Variants in MBOAT2 observed in about 807,000 individuals in gnomAD.
MBOAT2 encodes the protein membrane bound glycerophospholipid O-acyltransferase 2, also known as membrane-bound glycerophospholipid O-acyltransferase 2.
Under a neutral mutation model 63.4 loss-of-function variants are expected in MBOAT2, and 28 were observed. The observed-to-expected ratio is 0.44, with a 90% CI of 0.33 to 0.61. The LOEUF (loss-of-function observed/expected upper bound fraction) is 0.61, where lower values mean the gene tolerates loss of function less well. Ranked by LOEUF, MBOAT2 falls within the 20% of genes least tolerant of loss-of-function variation. The pLI, the probability that MBOAT2 is intolerant of heterozygous loss-of-function variation, is 0.03. For synonymous variants in MBOAT2, 211 were observed against 215.6 expected, an observed-to-expected ratio of 0.98 and a Z score of 0.19; for missense variants, 470 against 605.8, an observed-to-expected ratio of 0.78 and a Z score of 2.35.
At chr2:8,983,485 T>C (rs1381498088) in intron 1 of MBOAT2, among the ~76,000 whole-genome samples, 1 of 152,190 alleles carries the variant, frequency 6.6e-6, no homozygotes, top group Non-Finnish European at 1.5e-5. Context: ...AAAGAATTAA[T>C]ACCAGTTTTA....
At chr2:8,976,707 C>T (rs183386613) in intron 1 of MBOAT2, among the ~76,000 whole-genome samples, 27 of 152,198 alleles carry the variant, frequency 1.8e-4, no homozygotes, top group Admixed American at 1.1e-3. Flanking sequence ...GTGTGCACAT[C>T]GACACGTTTA....
chr2:8,963,337 CTT>C (rs1362912462), intron 1 of MBOAT2, among the ~76,000 whole-genome samples: 1 of 151,992 alleles, frequency 6.6e-6, no homozygotes, highest in Non-Finnish European at 1.5e-5. Context: ...CAATTTTGCT[CTT>C]GTTGCCCAGG....
intron 1 of MBOAT2, among the ~76,000 whole-genome samples, chr2:8,972,587 C>T (rs1301381466): frequency 6.6e-6 from 1 of 152,188 alleles, no homozygotes; most frequent in Non-Finnish European, 1.5e-5. Flanking sequence ...AGGCAACCTA[C>T]AGGATGGGAG....
At chr2:8,875,824 C>T (rs1320909769) in intron 7 of MBOAT2, among the ~76,000 whole-genome samples, 2 of 152,216 alleles carry the variant, frequency 1.3e-5, no homozygotes, top group East Asian at 3.8e-4. Context: ...TTTGATATGA[C>T]ATTTCTCAAC....
At chr2:8,887,990 C>G in intron 5 of MBOAT2, 28 bp downstream of exon 5, 1 of 1,596,164 alleles carries the variant, frequency 6.3e-7, no homozygotes, top group Non-Finnish European at 8.6e-7. Context: ...ATTTTTTCAG[C>G]AATAAAAATT....
intron 2 of MBOAT2, among the ~76,000 whole-genome samples, chr2:8,953,401 G>C (rs1278000389): frequency 6.6e-6 from 1 of 152,066 alleles, no homozygotes; most frequent in African/African-American, 2.4e-5. Flanking sequence ...TGGACAGTCT[G>C]GTGACTATAT....
intron 9 of MBOAT2, among the ~76,000 whole-genome samples, chr2:8,864,465 C>A (rs1047569041): frequency 6.6e-6 from 1 of 152,138 alleles, no homozygotes; most frequent in Non-Finnish European, 1.5e-5. Flanking sequence ...ACCATTTTCT[C>A]TTGTATGTTA....
intron 3 of MBOAT2, among the ~76,000 whole-genome samples, chr2:8,911,732 C>T (rs1665723389): frequency 6.6e-6 from 1 of 152,158 alleles, no homozygotes; most frequent in Non-Finnish European, 1.5e-5. Flanking sequence ...ACTGGCTCCC[C>T]TTTACCTTCT....
intron 4 of MBOAT2, among the ~76,000 whole-genome samples, chr2:8,896,712 C>A (rs1414266433): frequency 6.6e-6 from 1 of 152,206 alleles, no homozygotes; most frequent in African/African-American, 2.4e-5. Flanking sequence ...TGAGTGCAAA[C>A]AGCTCACACG....
chr2:8,967,909 A>C (rs1189514439), intron 1 of MBOAT2, among the ~76,000 whole-genome samples: 1 of 152,218 alleles, frequency 6.6e-6, no homozygotes, highest in Non-Finnish European at 1.5e-5. Context: ...CAACAAACTT[A>C]AAAGCAATAG....
At chr2:8,923,319 T>C (rs1195289307) in intron 3 of MBOAT2, among the ~76,000 whole-genome samples, 1 of 152,208 alleles carries the variant, frequency 6.6e-6, no homozygotes, top group East Asian at 1.9e-4. Context: ...ACATTACTAT[T>C]GTGAAACCTA....
chr2:8,882,524 C>T lies in MBOAT2; in HGVS notation c.493G>A (p.Asp165Asn). ...AAAGGCACGTACCTTACAGCTAAAT[C>T]CCTCTGTGAGGAAGTCAGTTCTTCA... Reference protein sequence around the residue: ...KDEELTSSQRDLAVRRMPSLL... With the variant: ...KDEELTSSQRNLAVRRMPSLL... The change falls in exon 6 of 13, where the codon GAT becomes AAT. Residue 165 changes from aspartate (D) to asparagine (N), a missense_variant. Asp to Asn is a conservative substitution (Grantham distance 23). This residue lies in a region of MBOAT2 where 376 missense variants were observed against 503.8 expected (regional missense o/e 0.75). Transcript: ENST00000305997. 6.2e-7 allele frequency: 1 copy of T among 1,614,208 alleles called. No individual in the cohort carries two copies.
intron 3 of MBOAT2, among the ~76,000 whole-genome samples, chr2:8,930,027 A>AT (rs1055930834): frequency 6.6e-6 from 1 of 152,040 alleles, no homozygotes; most frequent in Non-Finnish European, 1.5e-5. Context: ...TTAAAAGCCC[A>AT]TTTTTCTGTG....
chr2:8,984,970 G>C (rs1213642126), intron 1 of MBOAT2, among the ~76,000 whole-genome samples: 2 of 152,074 alleles, frequency 1.3e-5, no homozygotes, highest in African/African-American at 2.4e-5. Flanking sequence ...GAAAGAGAAA[G>C]AAAAGCTGGC....
chr2:8,888,204 C>T (rs1311100660), intron 4 of MBOAT2, 131 bp from the exon 5 acceptor site: 2 of 762,992 alleles, frequency 2.6e-6, no homozygotes, highest in East Asian at 5.4e-5. Flanking sequence ...AAAAGACCTC[C>T]AAGGGATTTC....
chr2:8,874,056 A>T (rs147128660), intron 7 of MBOAT2, among the ~76,000 whole-genome samples: 365 of 152,358 alleles, frequency 2.4e-3, no homozygotes, highest in African/African-American at 8.5e-3. Context: ...TGAAGTATGC[A>T]ACAAAATATC....
At chr2:8,922,951 C>G (rs1172140768) in intron 3 of MBOAT2, among the ~76,000 whole-genome samples, 1 of 152,224 alleles carries the variant, frequency 6.6e-6, no homozygotes, top group Admixed American at 6.5e-5. Context: ...TCATGGCCAG[C>G]CTTGCCCTTG....
At chr2:8,980,265 G>GTTCAT in intron 1 of MBOAT2, among the ~76,000 whole-genome samples, 1 of 152,244 alleles carries the variant, frequency 6.6e-6, no homozygotes, top group African/African-American at 2.4e-5. Context: ...GTGGGAATGT[G>GTTCAT]TGCCACAGGA....
chr2:8,996,467 C>A (rs1313631389), intron 1 of MBOAT2, among the ~76,000 whole-genome samples: 1 of 152,142 alleles, frequency 6.6e-6, no homozygotes, highest in Admixed American at 6.5e-5. Flanking sequence ...CTATTCTGTG[C>A]CCCCAAAGCA....
Sources: gnomAD v4.1 joint callset for allele counts (sites outside exome capture counted in the v4.1 genomes callset) on GRCh38, gnomAD v4.1.1 for gene constraint, gnomAD v4.1.1 regional missense constraint, MANE v1.5 for transcripts, NCBI Gene and HGNC (gene_info 2026-07-23, HGNC 2026-07-21) for gene names.